The following PTPRA variants were observed in gnomAD, a reference collection of about 807,000 sequenced individuals.
PTPRA encodes protein tyrosine phosphatase receptor type A.
A neutral mutation model predicts 104.8 loss-of-function variants in PTPRA; 25 were observed. The ratio of observed to expected loss-of-function variants is 0.24; its 90% CI spans 0.17 to 0.33. PTPRA has a LOEUF of 0.33. Among genes scored for constraint, PTPRA ranks in the 10% least tolerant of loss-of-function variants. The probability of loss-of-function intolerance (pLI) is 1.00; values close to 1 mark genes in which losing one functional copy is unlikely to be tolerated. For synonymous variants in PTPRA, 323 were observed against 368.9 expected (o/e 0.88, Z 1.43); for missense variants, 765 against 1,015.3 (o/e 0.75, Z 3.35).
chr20:2,946,218 G>C (rs958811453), intron 2 of PTPRA, among the ~76,000 whole-genome samples: 12 of 152,114 alleles, frequency 7.9e-5, no homozygotes, highest in African/African-American at 2.7e-4. Context: ...GGAGGAGGGA[G>C]GGGAGGTTGC....
intron 20 of PTPRA, among the ~76,000 whole-genome samples, chr20:3,031,938 G>A (rs1252449936): frequency 6.6e-6 from 1 of 152,054 alleles, no homozygotes; most frequent in Non-Finnish European, 1.5e-5. Context: ...AAACATCACT[G>A]GGCAAAAACA....
the PTPRA span, chr20:2,865,203 T>TG: frequency 6.2e-7 from 1 of 1,614,086 alleles, no homozygotes; most frequent in Non-Finnish European, 8.5e-7. The surrounding 1 kb of genome is among the most constrained non-coding windows in gnomAD (Gnocchi z 5.2). Flanking sequence ...GAAGACGAGC[T>TG]GGGGGGCCAG....
intron 1 of PTPRA, among the ~76,000 whole-genome samples, chr20:2,879,917 G>A (rs1321320905): frequency 6.6e-6 from 1 of 152,082 alleles, no homozygotes; most frequent in Non-Finnish European, 1.5e-5. Flanking sequence ...AATCACATCA[G>A]GACTCATCCT....
chr20:2,866,569 AAGTG>A, the PTPRA span: 2 of 1,614,084 alleles, frequency 1.2e-6, no homozygotes, highest in Non-Finnish European at 1.7e-6. Context: ...AGCCCAGAAG[AAGTG>A]AGGAGTCCAT....
intron 1 of PTPRA, among the ~76,000 whole-genome samples, chr20:2,916,334 C>CT (rs1358451377): frequency 6.6e-6 from 1 of 152,180 alleles, no homozygotes; most frequent in African/African-American, 2.4e-5. Context: ...TGAGCCACCA[C>CT]TTTCAGTCCC....
intron 9 of PTPRA, among the ~76,000 whole-genome samples, chr20:3,001,469 C>G (rs1226267167): frequency 6.6e-6 from 1 of 152,184 alleles, no homozygotes; most frequent in African/African-American, 2.4e-5. Context: ...AAGAGTCTTG[C>G]TGTCCCTACG....
At chr20:3,009,539 A>G (rs1012153128) in intron 11 of PTPRA, among the ~76,000 whole-genome samples, 10 of 152,156 alleles carry the variant, frequency 6.6e-5, no homozygotes, top group Admixed American at 1.3e-4. Context: ...GACTTCAAAA[A>G]TGGGGCAGTC....
At chr20:2,963,732 T>A (rs967766505) in intron 3 of PTPRA, among the ~76,000 whole-genome samples, 1 of 152,066 alleles carries the variant, frequency 6.6e-6, no homozygotes, top group Non-Finnish European at 1.5e-5. Flanking sequence ...ACTGGGACAT[T>A]TTGGATTTCA....
intron 17 of PTPRA, 115 bp from the exon 18 acceptor site, chr20:3,026,572 G>A: frequency 2.7e-6 from 2 of 739,664 alleles, no homozygotes; most frequent in South Asian, 3.3e-5. Context: ...GGGCCCTGGT[G>A]AGAAGAGCAG....
intron 2 of PTPRA, among the ~76,000 whole-genome samples, chr20:2,929,325 TG>T (rs1189578023): frequency 6.6e-6 from 1 of 152,214 alleles, no homozygotes; most frequent in African/African-American, 2.4e-5. Context: ...CGTTAATAGT[TG>T]ACCACAGCAT....
In PTPRA at chr20:2,975,227, C is replaced by G. The variant is rs774732821; in HGVS notation, c.428C>G (p.Ser143Trp). 6.3e-7 allele frequency: 1 copy of G among 1,596,194 alleles called. No individual in the cohort carries two copies. Among genetic ancestry groups the G allele is most frequent in the Non-Finnish European group, 8.6e-7 (1 of 1,165,512 alleles). The change falls in exon 6 of 24, where the codon TCG becomes TGG. Residue 143 changes from serine (S) to tryptophan (W), a missense_variant. Coordinates refer to ENST00000399903, the MANE Select transcript of PTPRA (RefSeq NM_001385305.1). ...ETFPPSGNSD[S>W]KDRRDETPII... ...ACTTATTACACAGGTAATTCTGACT[C>G]GAAGGACAGAAGAGGTGAGCTGCTC...
the PTPRA span, chr20:2,866,270 C>T: frequency 3.0e-5 from 49 of 1,614,126 alleles, no homozygotes; most frequent in Non-Finnish European, 4.1e-5. Flanking sequence ...AAGTATGCTT[C>T]CCGCGTGGGT....
intron 6 of PTPRA, among the ~76,000 whole-genome samples, chr20:2,985,884 C>CTTGTTTGTTTGT (rs71195807): frequency 2.2e-4 from 33 of 148,758 alleles, no homozygotes; most frequent in Non-Finnish European, 4.2e-4. Flanking sequence ...CAGCTGTCTC[C>CTTGTTTGTTTGT]TTGTTTGTTT....
At position 2,883,744 on chromosome 20, in the gene PTPRA, G is replaced by A. The variant is rs548847221; in HGVS notation, c.-129+9984G>A. Among the ~76,000 whole-genome samples the A allele has an allele frequency of 3.2e-3, 483 of 151,178 alleles. 4 individuals are homozygous for A. Among genetic ancestry groups the A allele is most frequent in the African/African-American group, 0.011 (462 of 41,316 alleles). On this transcript the variant is annotated intron_variant, in intron 1 of 23. Transcript: ENST00000399903. The stretch of plus-strand genomic sequence containing the variant: ...TTTTTTTTACATGTAATCATTATAA[G>A]CTATAACTTACATATTATAAAATTC...
chr20:2,946,932 C>T (rs1301119046), intron 2 of PTPRA, among the ~76,000 whole-genome samples: 1 of 151,900 alleles, frequency 6.6e-6, no homozygotes, highest in African/African-American at 2.4e-5. Context: ...TATCTGCCTC[C>T]TGGATGAAGA....
intron 19 of PTPRA, 44 bp from the exon 20 acceptor site, chr20:3,027,663 G>C: frequency 1.9e-6 from 3 of 1,602,218 alleles, no homozygotes; most frequent in Non-Finnish European, 2.6e-6. Flanking sequence ...TAGTCCCTCT[G>C]TGATTAAACC....
chr20:3,026,600 C>G (rs1600277527), intron 17 of PTPRA, 87 bp from the exon 18 acceptor site: 2 of 1,008,304 alleles, frequency 2.0e-6, no homozygotes, highest in East Asian at 2.5e-5. Flanking sequence ...CCAGAGTGGC[C>G]TGGAGGTGCA....
At chr20:3,021,176 G>A in intron 13 of PTPRA, 133 bp from the exon 14 acceptor site, 1 of 1,232,398 alleles carries the variant, frequency 8.1e-7, no homozygotes, top group Non-Finnish European at 1.1e-6. Context: ...GCAACTGACT[G>A]AGATAGAGAA....
chr20:3,019,639 G>A (rs1358198252), intron 13 of PTPRA, among the ~76,000 whole-genome samples: 11 of 151,438 alleles, frequency 7.3e-5, no homozygotes, highest in East Asian at 3.9e-4. Flanking sequence ...ATGGGCGGCC[G>A]GGCAGAGACG....
Sources: gnomAD v4.1 joint callset for allele counts (sites outside exome capture counted in the v4.1 genomes callset) on GRCh38, gnomAD v4.1.1 for gene constraint, Gnocchi (gnomAD v3.1) non-coding constraint, MANE v1.5 for transcripts, NCBI Gene and HGNC (gene_info 2026-07-23, HGNC 2026-07-21) for gene names.